The following FANCB variants were observed in gnomAD, a reference collection of about 807,000 sequenced individuals.
FANCB encodes the protein FA complementation group B.
In FANCB, 5 loss-of-function variants were observed where a neutral mutation model predicts 38.9. That is an observed-to-expected ratio of 0.13 (90% CI 0.07 to 0.27). The LOEUF (loss-of-function observed/expected upper bound fraction) is 0.27. FANCB is among the 10% of genes least tolerant of loss of function. The pLI is 1.00. For missense variants in FANCB, 573 were observed against 602.7 expected (o/e 0.95, Z 0.52); for synonymous variants, 236 against 215.4 (o/e 1.10, Z -0.84).
chrX:14,859,404 C>A lies in FANCB; in HGVS notation c.952-70G>T, dbSNP rs2092437083. 4 of 778,393 alleles carry A rather than the reference C, an allele frequency of 5.1e-6. No individual in the cohort carries two copies. In the Admixed American group the frequency reaches 9.6e-5, roughly 19 times the overall value. 64.1% of individuals were successfully genotyped at this position (778,393 alleles called of 1,213,427 possible). A position where few individuals can be genotyped will look rare whatever the true frequency, so the allele number is the denominator to read the frequency against. ...CGAATGTGAAATAAATAAATTAAGT[C>A]CTTTTGTTTCATGTAGTTGTCATTT... On this transcript the variant is annotated intron_variant, in intron 3 of 9. Coordinates refer to ENST00000650831, the MANE Select transcript of FANCB (RefSeq NM_001018113.3).
At chrX:14,805,449 C>T in the FANCB span, among the ~76,000 whole-genome samples, 7 of 111,053 alleles carry the variant, frequency 6.3e-5, no homozygotes, top group Non-Finnish European at 7.5e-5. Flanking sequence ...ACCTCCACCA[C>T]AAACTGTTCC....
chrX:14,755,246 A>G, the FANCB span, among the ~76,000 whole-genome samples: 2 of 112,002 alleles, frequency 1.8e-5, no homozygotes, highest in African/African-American at 6.5e-5. Flanking sequence ...AGAATAAGAC[A>G]AAAGTGTTCA....
chrX:14,818,018 A>G, the FANCB span, among the ~76,000 whole-genome samples: 1 of 111,455 alleles, frequency 9.0e-6, no homozygotes. Flanking sequence ...ATATTTGGCA[A>G]CTCAACAGGG....
the FANCB span, among the ~76,000 whole-genome samples, chrX:14,766,718 G>T: frequency 6.4e-5 from 7 of 109,245 alleles, no homozygotes; most frequent in African/African-American, 2.3e-4. Context: ...GGGTACATGT[G>T]CAGGATGTGC....
the FANCB span, among the ~76,000 whole-genome samples, chrX:14,796,395 T>C: frequency 2.4e-5 from 2 of 84,757 alleles, no homozygotes; most frequent in Non-Finnish European, 4.9e-5. Flanking sequence ...CACACACACA[T>C]AGGATATACA....
intron 10 of FANCB, among the ~76,000 whole-genome samples, chrX:14,837,064 T>G (rs1322267534): frequency 8.9e-6 from 1 of 112,572 alleles, no homozygotes; most frequent in Admixed American, 9.4e-5. Flanking sequence ...GATCTCTATA[T>G]TCCCTTCTAC....
At chrX:14,831,267 C>T (rs1279492086), downstream of FANCB, among the ~76,000 whole-genome samples, 1 of 112,639 alleles carries the variant, frequency 8.9e-6, no homozygotes, top group Non-Finnish European at 1.9e-5. Context: ...ATGATCAAGA[C>T]AGAAAATGGG....
the FANCB span, among the ~76,000 whole-genome samples, chrX:14,748,968 T>C: frequency 8.9e-6 from 1 of 112,044 alleles, no homozygotes; most frequent in Non-Finnish European, 1.9e-5. Context: ...AAAGTATGAC[T>C]TAAGCAGGGC....
At chrX:14,855,617 A>C (rs945670310) in intron 5 of FANCB, among the ~76,000 whole-genome samples, 1 of 111,685 alleles carries the variant, frequency 9.0e-6, no homozygotes, top group South Asian at 3.6e-4. Context: ...TTTTTATTTC[A>C]GTGTGTTTTT....
chrX:14,847,099 G>A (rs1434736190), intron 7 of FANCB, among the ~76,000 whole-genome samples: 1 of 110,128 alleles, frequency 9.1e-6, no homozygotes, highest in Non-Finnish European at 1.9e-5. Context: ...TCTGGGGGAT[G>A]GGGGTGAGGA....
At chrX:14,844,476 G>A (rs2092367224) in intron 9 of FANCB, 27 bp downstream of exon 9, 1 of 1,050,498 alleles carries the variant, frequency 9.5e-7, no homozygotes, top group East Asian at 3.0e-5. Context: ...CACTTCTCTG[G>A]ACCAATTACA....
At chrX:14,831,634 T>A (rs1311711244), downstream of FANCB, among the ~76,000 whole-genome samples, 1 of 111,212 alleles carries the variant, frequency 9.0e-6, no homozygotes, top group Non-Finnish European at 1.9e-5. Context: ...GTAGGCTAGA[T>A]GACACCATAC....
the FANCB span, among the ~76,000 whole-genome samples, chrX:14,728,794 T>C: frequency 8.9e-6 from 1 of 112,550 alleles, no homozygotes; most frequent in Non-Finnish European, 1.9e-5. Flanking sequence ...ATGAGCCACA[T>C]AGAAGCAAAT....
downstream of FANCB, chrX:14,834,959 T>G (rs1198594823): frequency 4.7e-5 from 38 of 801,711 alleles, no homozygotes; most frequent in Non-Finnish European, 6.5e-5. Flanking sequence ...ACTCTGCATC[T>G]TCCTCCACAG....
chrX:14,735,102 A>C, the FANCB span, among the ~76,000 whole-genome samples: 1,504 of 108,214 alleles, frequency 0.014, 25 homozygotes, highest in African/African-American at 0.041. Context: ...TTCTTCTCTA[A>C]ACTGGTTATT....
At chrX:14,775,162 T>TTTG in the FANCB span, among the ~76,000 whole-genome samples, 11 of 67,494 alleles carry the variant, frequency 1.6e-4, no homozygotes, top group Non-Finnish European at 2.6e-4. Flanking sequence ...TCTCTAATGT[T>TTTG]TTTTTTTTTT....
the FANCB span, among the ~76,000 whole-genome samples, chrX:14,732,960 A>G: frequency 1.8e-4 from 20 of 112,161 alleles, no homozygotes; most frequent in Middle Eastern, 4.6e-3. Context: ...GCCCATGCCT[A>G]TGTCCTGAAT....
At chrX:14,803,528 C>A in the FANCB span, among the ~76,000 whole-genome samples, 1 of 112,068 alleles carries the variant, frequency 8.9e-6, no homozygotes, top group Non-Finnish European at 1.9e-5. Flanking sequence ...AATTCCTTTG[C>A]CACTCAGTAT....
At chrX:14,700,643 C>T in the FANCB span, among the ~76,000 whole-genome samples, 4 of 111,104 alleles carry the variant, frequency 3.6e-5, no homozygotes, top group Non-Finnish European at 5.7e-5. Context: ...AGTGGAGAGA[C>T]GGAGGCAGAC....
Sources: gnomAD v4.1 joint callset for allele counts (sites outside exome capture counted in the v4.1 genomes callset) on GRCh38, gnomAD v4.1.1 for gene constraint, MANE v1.5 for transcripts, NCBI Gene and HGNC (gene_info 2026-07-23, HGNC 2026-07-21) for gene names.